CNTN6: variants seen among roughly 807,000 people sequenced by gnomAD.
CNTN6 encodes the protein contactin-6.
Under a neutral mutation model 122.8 loss-of-function variants are expected in CNTN6, and 137 were observed. The observed-to-expected ratio is 1.12, with a 90% CI of 0.97 to 1.29. The LOEUF is 1.29. Ranked by LOEUF, CNTN6 falls within the 50% of genes most tolerant of loss-of-function variation. The pLI is 0.00. For missense variants in CNTN6, 1,634 were observed against 1,223.4 expected (o/e 1.34, Z -5.01); for synonymous variants, 570 against 426.0 (o/e 1.34, Z -4.16).
intron 1 of CNTN6, among the ~76,000 whole-genome samples, chr3:1,145,714 T>C (rs1416129970): frequency 1.3e-5 from 2 of 152,100 alleles, no homozygotes; most frequent in East Asian, 3.9e-4. Context: ...TTAAATGACA[T>C]CTATATAGAG....
intron 4 of CNTN6, among the ~76,000 whole-genome samples, chr3:1,237,568 C>CA (rs1354061439): frequency 6.6e-6 from 1 of 151,980 alleles, no homozygotes; most frequent in Non-Finnish European, 1.5e-5. Context: ...AAATTCATCA[C>CA]AAAAAGATAA....
At position 1,099,323 on chromosome 3, in the gene CNTN6, C is replaced by T. The variant is rs547636439; in HGVS notation, c.-83+6203C>T. On this transcript the variant is annotated intron_variant, in intron 1 of 22. Coordinates refer to ENST00000446702, the MANE Select transcript of CNTN6 (RefSeq NM_001289080.2). ...AAAATTAGCAGGGTGTGGTGGCGGG[C>T]GCCTGTAGTCCCAGCTACTGGGGAG... is the stretch of plus-strand genomic sequence containing the variant. Among the ~76,000 whole-genome samples the T allele has an allele frequency of 1.5e-4, 23 of 151,742 alleles. 1 individual carries two copies. The highest frequency in any genetic ancestry group is 6.3e-4 in the South Asian group (3 of 4,792).
At chr3:1,104,333 A>G (rs926215954) in intron 1 of CNTN6, among the ~76,000 whole-genome samples, 2 of 152,166 alleles carry the variant, frequency 1.3e-5, no homozygotes, top group African/African-American at 4.8e-5. Context: ...ACTAAGAATA[A>G]TAATTATTCC....
chr3:1,118,765 T>G (rs7624219), intron 1 of CNTN6, among the ~76,000 whole-genome samples: 120,902 of 152,054 alleles, frequency 0.8, 50,985 homozygotes, highest in East Asian at 0.99. Flanking sequence ...CCAGCAGACA[T>G]CTGAGAGATA....
chr3:1,283,197 C>T (rs763875784), intron 5 of CNTN6, among the ~76,000 whole-genome samples: 9 of 152,228 alleles, frequency 5.9e-5, no homozygotes, highest in African/African-American at 7.2e-5. Context: ...TCATGTGATC[C>T]GCCTGCCTCG....
At chr3:1,380,567 G>C (rs1691713016) in intron 17 of CNTN6, among the ~76,000 whole-genome samples, 1 of 152,138 alleles carries the variant, frequency 6.6e-6, no homozygotes, top group Non-Finnish European at 1.5e-5. Flanking sequence ...TATAGAGTAA[G>C]AGATACATAC....
At chr3:1,334,570 A>G (rs1030490127) in intron 11 of CNTN6, among the ~76,000 whole-genome samples, 3 of 152,138 alleles carry the variant, frequency 2.0e-5, no homozygotes, top group Non-Finnish European at 4.4e-5. Context: ...ATAACTTTAT[A>G]TATGTTTTAA....
At chr3:1,097,702 A>G (rs925552773) in intron 1 of CNTN6, among the ~76,000 whole-genome samples, 13 of 152,278 alleles carry the variant, frequency 8.5e-5, no homozygotes, top group African/African-American at 3.1e-4. Flanking sequence ...ACTTTACAGT[A>G]TTTTCAAGAG....
chr3:1,167,770 T>G (rs1205221153), intron 2 of CNTN6, among the ~76,000 whole-genome samples: 1 of 152,198 alleles, frequency 6.6e-6, no homozygotes, highest in African/African-American at 2.4e-5. Flanking sequence ...ACTTCTTAGC[T>G]GCTAGATTCA....
At chr3:1,379,788 A>T (rs1225444642) in intron 17 of CNTN6, among the ~76,000 whole-genome samples, 1 of 152,162 alleles carries the variant, frequency 6.6e-6, no homozygotes, top group Non-Finnish European at 1.5e-5. Context: ...ATTTGACATT[A>T]TGTACAAGCA....
chr3:1,164,231 T>G (rs1055855066), intron 2 of CNTN6, among the ~76,000 whole-genome samples: 2 of 152,220 alleles, frequency 1.3e-5, no homozygotes, highest in Non-Finnish European at 2.9e-5. Flanking sequence ...TTAGGTCCAC[T>G]CCAGTTTTAG....
chr3:1,202,092 C>T (rs2093880962), intron 2 of CNTN6, among the ~76,000 whole-genome samples: 2 of 152,308 alleles, frequency 1.3e-5, no homozygotes, highest in East Asian at 1.9e-4. Flanking sequence ...ACTTTTCCTG[C>T]ATTTTCTTGC....
intron 2 of CNTN6, among the ~76,000 whole-genome samples, chr3:1,159,079 C>T (rs2093061661): frequency 6.6e-6 from 1 of 150,888 alleles, no homozygotes; most frequent in South Asian, 2.1e-4. Flanking sequence ...AACAGTTAAC[C>T]TTTAAAATCT....
chr3:1,207,286 A>C (rs918564865), intron 2 of CNTN6, among the ~76,000 whole-genome samples: 1 of 152,044 alleles, frequency 6.6e-6, no homozygotes, highest in Non-Finnish European at 1.5e-5. Flanking sequence ...ATGATTTCCA[A>C]ATTTTTCTCC....
intron 2 of CNTN6, among the ~76,000 whole-genome samples, chr3:1,186,339 C>T (rs1299592356): frequency 1.3e-5 from 2 of 151,958 alleles, no homozygotes; most frequent in Non-Finnish European, 1.5e-5. Context: ...AGCTCAAACC[C>T]GATTTTCACA....
intron 12 of CNTN6, 104 bp downstream of exon 12, chr3:1,352,555 T>C: frequency 7.2e-7 from 1 of 1,390,540 alleles, no homozygotes; most frequent in Non-Finnish European, 9.9e-7. Context: ...GTATGTAAAA[T>C]TGTTGATTTC....
chr3:1,403,058 C>T (rs1695932273), intron 22 of CNTN6, among the ~76,000 whole-genome samples: 1 of 152,124 alleles, frequency 6.6e-6, no homozygotes, highest in Non-Finnish European at 1.5e-5. Context: ...AAGTCATTAG[C>T]ATCCAATGTT....
intron 5 of CNTN6, among the ~76,000 whole-genome samples, chr3:1,280,590 G>T (rs1693231025): frequency 6.7e-6 from 1 of 148,278 alleles, no homozygotes; most frequent in Admixed American, 6.9e-5. Context: ...TCAGCCTACT[G>T]AGTAGCTGGG....
rs2092671711 is a variant in CNTN6 at position 1,144,026 on chromosome 3, TA to T, written c.-82-3900del. On this transcript the variant is annotated intron_variant, in intron 1 of 22. Transcript: ENST00000446702. ...AAGCAAAATCTCTAGATTCCCAATG[TA>T]GCCTTTTTCTCTGTACCACCAGGTT... Among the ~76,000 whole-genome samples, 7 of 152,346 alleles carry T rather than the reference TA, an allele frequency of 4.6e-5. No individual in the cohort carries two copies. In the South Asian group the frequency reaches 1.4e-3, roughly 32 times the overall value.
Sources: gnomAD v4.1 joint callset for allele counts (sites outside exome capture counted in the v4.1 genomes callset) on GRCh38, gnomAD v4.1.1 for gene constraint, MANE v1.5 for transcripts, NCBI Gene and HGNC (gene_info 2026-07-23, HGNC 2026-07-21) for gene names.